Variants in METAP1 observed in about 807,000 individuals in gnomAD.
METAP1 encodes the protein methionine aminopeptidase 1.
In METAP1, 28 loss-of-function variants were observed where a neutral mutation model predicts 53.8. That is an observed-to-expected ratio of 0.52 (90% confidence interval 0.39 to 0.71). METAP1 has a LOEUF of 0.71. Among genes scored for constraint, METAP1 ranks in the 30% least tolerant of loss-of-function variants. The pLI, the probability that METAP1 is intolerant of heterozygous loss-of-function variation, is 0.00. For missense variants in METAP1, 389 were observed against 479.8 expected, an observed-to-expected ratio of 0.81 and a Z score of 1.77; for synonymous variants, 181 against 165.7, an observed-to-expected ratio of 1.09 and a Z score of -0.71.
At chr4:99,027,095 A>G (rs1724615214) in intron 1 of METAP1, among the ~76,000 whole-genome samples, 1 of 152,234 alleles carries the variant, frequency 6.6e-6, no homozygotes, top group Admixed American at 6.5e-5. Context: ...TTGAGTAGCT[A>G]CTTTTCAATG....
chr4:99,034,379 T>C (rs777052529), intron 3 of METAP1, 37 bp downstream of exon 3: 30 of 1,229,980 alleles, frequency 2.4e-5, no homozygotes, highest in Non-Finnish European at 3.5e-5. Flanking sequence ...CATTCCAATT[T>C]TGAATTTTCC....
intron 8 of METAP1, among the ~76,000 whole-genome samples, chr4:99,045,711 C>CT (rs1270051065): frequency 6.6e-6 from 1 of 152,108 alleles, no homozygotes; most frequent in East Asian, 1.9e-4. Context: ...TGCCTCCCCT[C>CT]TTATCTCTCT....
intron 1 of METAP1, among the ~76,000 whole-genome samples, chr4:99,019,955 G>A (rs1216671255): frequency 6.6e-6 from 1 of 152,124 alleles, no homozygotes; most frequent in Non-Finnish European, 1.5e-5. Flanking sequence ...TTTGGGGTCT[G>A]GGTGCAGACT....
Position 99,061,169 on chromosome 4 carries a change from A to C in METAP1, c.1013A>C (p.Glu338Ala). The C allele has an allele frequency of 6.2e-7, 1 of 1,612,782 alleles. No individual in the cohort carries two copies. The highest frequency in any genetic ancestry group is 1.1e-5 in the South Asian group (1 of 90,818). Residue 338 changes from glutamate to alanine, a missense_variant, in exon 11 of 11, where the codon GAA becomes GCA. Coordinates refer to ENST00000296411, the MANE Select transcript of METAP1 (RefSeq NM_015143.3). ...PMICEGGWQD[E>A]TWPDGWTAVT... The stretch of plus-strand genomic sequence containing the variant: ...TTTGTTGAAGGCGGATGGCAGGATG[A>C]AACCTGGCCAGATGGTTGGACTGCG...
At position 99,062,578 on chromosome 4, in the gene METAP1, A is replaced by G. The variant is rs1222087118; in HGVS notation, c.*1261A>G. On this transcript the variant is annotated 3_prime_UTR_variant, in exon 11 of 11. Coordinates refer to ENST00000296411, the MANE Select transcript of METAP1 (RefSeq NM_015143.3). ...ATACCACTGACACATTATACTTGTA[A>G]GAGAACATCTTTCCCAGAGTGCCTC... is the stretch of plus-strand genomic sequence containing the variant. The G allele has an allele frequency of 6.6e-6, 1 of 152,656 alleles. No homozygotes were observed. The highest frequency in any genetic ancestry group is 1.5e-5 in the Non-Finnish European group (1 of 68,046). The allele number at this position is 152,656 out of a possible 1,614,324, so 9.5% of individuals were successfully genotyped here.
chr4:99,038,411 C>G (rs1054055074), intron 4 of METAP1, among the ~76,000 whole-genome samples: 2 of 151,958 alleles, frequency 1.3e-5, no homozygotes, highest in Non-Finnish European at 2.9e-5. Context: ...GCCATGTTAT[C>G]AGAATTAACT....
At chr4:99,030,404 A>G (rs1201379488) in intron 2 of METAP1, among the ~76,000 whole-genome samples, 2 of 152,182 alleles carry the variant, frequency 1.3e-5, no homozygotes, top group African/African-American at 4.8e-5. Context: ...TTACACCTCT[A>G]GTGTTTAGTA....
chr4:99,040,562 C>T (rs1441812459), intron 5 of METAP1, among the ~76,000 whole-genome samples: 2 of 151,244 alleles, frequency 1.3e-5, no homozygotes, highest in African/African-American at 4.9e-5. Flanking sequence ...TAGCTCATAG[C>T]TTACTGTAAC....
intron 1 of METAP1, among the ~76,000 whole-genome samples, chr4:98,996,121 A>G (rs1419825872): frequency 6.6e-6 from 1 of 152,034 alleles, no homozygotes; most frequent in East Asian, 1.9e-4. Context: ...CTGGGGCGGA[A>G]GCGGGCTGTG....
chr4:99,022,331 A>C (rs771334453), intron 1 of METAP1: 9 of 844,110 alleles, frequency 1.1e-5, no homozygotes, highest in Non-Finnish European at 1.5e-5. Flanking sequence ...CTGACCAGGG[A>C]AGATCCCTCC....
At chr4:99,039,838 C>T (rs756607173) in intron 5 of METAP1, among the ~76,000 whole-genome samples, 2 of 152,076 alleles carry the variant, frequency 1.3e-5, no homozygotes, top group Non-Finnish European at 2.9e-5. Flanking sequence ...GTGATCTGCC[C>T]ACCTTGGCCT....
At chr4:99,022,867 CCTT>C in intron 1 of METAP1, 1 of 1,541,862 alleles carries the variant, frequency 6.5e-7, no homozygotes, top group Non-Finnish European at 8.8e-7. Flanking sequence ...GCTGCTGCTG[CCTT>C]CTTTTTGCAT....
chr4:99,054,414 A>C (rs568968954), intron 9 of METAP1, among the ~76,000 whole-genome samples: 36 of 152,208 alleles, frequency 2.4e-4, no homozygotes, highest in Non-Finnish European at 4.6e-4. Flanking sequence ...GAAGAGAGTT[A>C]GTGCCTTGCT....
In METAP1 at chr4:99,045,251, A is replaced by G; in HGVS notation, c.728A>G (p.Asp243Gly). 3 of 1,613,852 alleles carry G rather than the reference A, an allele frequency of 1.9e-6. No individual in the cohort carries two copies. Among genetic ancestry groups the G allele is most frequent in the Non-Finnish European group, 2.5e-6 (3 of 1,179,826 alleles). The change falls in exon 8 of 11, where the codon GAT becomes GGT. Residue 243 changes from aspartate to glycine, a missense_variant. Transcript: ENST00000296411. Reference protein sequence around the residue: ...NETFFVGEVDDGARKLVQTTY... With the variant: ...NETFFVGEVDGGARKLVQTTY... ...ACATTTTTTGTTGGAGAAGTGGATG[A>G]TGGAGCACGGAAACTTGTTCAGACC...
At position 99,039,485 on chromosome 4, in the gene METAP1, C is replaced by T. The variant is rs745939904; in HGVS notation, c.432+20C>T. On this transcript the variant is annotated intron_variant, in intron 5 of 10. Coordinates refer to ENST00000296411, the MANE Select transcript of METAP1 (RefSeq NM_015143.3). The stretch of plus-strand genomic sequence containing the variant: ...TGTAGGGTAAGAGTGATTTTTTCTC[C>T]ATGGGGTAGGAAATGTTTAAGCAGT... 6.9e-7 allele frequency: 1 copy of T among 1,448,968 alleles called. No individual in the cohort carries two copies. The highest frequency in any genetic ancestry group is 9.7e-7 in the Non-Finnish European group (1 of 1,035,084). The allele number at this position is 1,448,968 out of a possible 1,614,324, so 89.8% of individuals were successfully genotyped here.
At position 99,012,431 on chromosome 4, in the gene METAP1, C is replaced by T. The variant is rs542259171; in HGVS notation, c.115-16436C>T. ...ACTGACTTACAGGTGCCTGCCACCA[C>T]GCCCGGCTAATTTTTGTATTTTTAG... On this transcript the variant is annotated intron_variant, in intron 1 of 10. Transcript: ENST00000296411. Among the ~76,000 whole-genome samples the T allele has an allele frequency of 2.2e-4, 33 of 151,894 alleles. No homozygotes were observed. The East Asian group carries it at 2.9e-3, about 13-fold the overall frequency.
chr4:99,026,223 C>A, intron 1 of METAP1: 5 of 985,036 alleles, frequency 5.1e-6, no homozygotes, highest in Non-Finnish European at 6.0e-6. Context: ...TTAGTAAATT[C>A]CTGTTGGTGC....
In METAP1 at chr4:99,057,770, G is replaced by A. The variant is rs1309374359; in HGVS notation, c.949G>A (p.Val317Met). Reference protein sequence around the residue: ...PHYAKNKAVGVMKSGHVFTIE... With the variant: ...PHYAKNKAVGMMKSGHVFTIE... ...GATTTCAGAAAATAAAGCAGTTGGA[G>A]TGATGAAGTCGGGCCATGTATTTAC... Residue 317 changes from valine (V) to methionine (M), a missense_variant, in exon 10 of 11, where the codon GTG becomes ATG. Transcript: ENST00000296411. 2.4e-5 allele frequency: 38 copies of A among 1,592,900 alleles called. No homozygotes were observed. Among genetic ancestry groups the A allele is most frequent in the Non-Finnish European group, 3.2e-5 (37 of 1,169,072 alleles).
chr4:99,003,948 C>T (rs1045040593), intron 1 of METAP1, among the ~76,000 whole-genome samples: 6 of 152,208 alleles, frequency 3.9e-5, no homozygotes, highest in African/African-American at 9.6e-5. Context: ...ACACCAGTCA[C>T]GAGTTTGGGC....
Sources: allele counts gnomAD v4.1 joint callset (sites outside exome capture counted in the v4.1 genomes callset), GRCh38; gene constraint gnomAD v4.1.1; transcripts MANE v1.5; gene names NCBI Gene and HGNC (gene_info 2026-07-23, HGNC 2026-07-21).